The following EPHA6 variants were observed in gnomAD, a reference collection of about 807,000 sequenced individuals.
EPHA6 encodes ephrin type-A receptor 6.
EPHA6 carries 50 observed loss-of-function variants against 112.0 expected under a neutral mutation model. The observed-to-expected ratio is 0.45, with a 90% CI of 0.36 to 0.56. The LOEUF (loss-of-function observed/expected upper bound fraction) is 0.56, where lower values mean the gene tolerates loss of function less well. Among genes scored for constraint, EPHA6 ranks in the 20% least tolerant of loss-of-function variants. The pLI is 0.00. For missense variants in EPHA6, 1,280 were observed against 1,417.4 expected, an observed-to-expected ratio of 0.90 and a Z score of 1.56; for synonymous variants, 529 against 490.7, an observed-to-expected ratio of 1.08 and a Z score of -1.03.
At chr3:97,129,853 T>A (rs1261642604) in intron 3 of EPHA6, among the ~76,000 whole-genome samples, 4 of 152,174 alleles carry the variant, frequency 2.6e-5, no homozygotes, top group African/African-American at 9.7e-5. Flanking sequence ...AGACATTACC[T>A]GAGAGATAGT....
At chr3:96,908,068 A>G (rs924085133) in intron 2 of EPHA6, among the ~76,000 whole-genome samples, 1 of 151,916 alleles carries the variant, frequency 6.6e-6, no homozygotes, top group Non-Finnish European at 1.5e-5. Context: ...ATGTTCCTGT[A>G]TGGAATATTA....
At chr3:97,327,837 GTATATA>G (rs113110868) in intron 5 of EPHA6, among the ~76,000 whole-genome samples, 1 of 144,880 alleles carries the variant, frequency 6.9e-6, no homozygotes, top group Non-Finnish European at 1.5e-5. Context: ...GTGTGTGTGT[GTATATA>G]TATATATATG....
At chr3:97,240,072 G>C (rs1011568357) in intron 4 of EPHA6, among the ~76,000 whole-genome samples, 1 of 151,666 alleles carries the variant, frequency 6.6e-6, no homozygotes, top group African/African-American at 2.4e-5. Flanking sequence ...TGGAGCTCCA[G>C]TTTTGTGATT....
At chr3:97,289,714 T>C (rs1328517404) in intron 5 of EPHA6, among the ~76,000 whole-genome samples, 1 of 152,180 alleles carries the variant, frequency 6.6e-6, no homozygotes, top group Non-Finnish European at 1.5e-5. Context: ...TCTTTCCATT[T>C]GTTTGTGTCA....
chr3:97,580,113 G>A (rs1449522829), intron 11 of EPHA6, among the ~76,000 whole-genome samples: 1 of 152,144 alleles, frequency 6.6e-6, no homozygotes, highest in Non-Finnish European at 1.5e-5. Flanking sequence ...TTTTTGTGGT[G>A]CCATAATTTG....
At chr3:96,844,555 T>A (rs1003842578) in intron 1 of EPHA6, among the ~76,000 whole-genome samples, 6 of 152,056 alleles carry the variant, frequency 3.9e-5, no homozygotes, top group Non-Finnish European at 7.4e-5. Context: ...GATAAGAGGG[T>A]TAATATGGAA....
chr3:97,055,215 G>A (rs2045813809), intron 3 of EPHA6, among the ~76,000 whole-genome samples: 1 of 152,100 alleles, frequency 6.6e-6, no homozygotes, highest in African/African-American at 2.4e-5. Flanking sequence ...TGAGGATGTA[G>A]ATTAGGGACA....
intron 2 of EPHA6, among the ~76,000 whole-genome samples, chr3:96,869,930 T>C (rs2036542577): frequency 6.6e-6 from 1 of 152,080 alleles, no homozygotes; most frequent in Admixed American, 6.6e-5. Flanking sequence ...TTGAATATCA[T>C]ATTTTATAGA....
At chr3:97,205,432 G>A (rs564478262) in intron 3 of EPHA6, among the ~76,000 whole-genome samples, 45 of 151,666 alleles carry the variant, frequency 3.0e-4, no homozygotes, top group Non-Finnish European at 5.2e-4. Flanking sequence ...TTTGGGAAAT[G>A]GCAATTCATT....
At chr3:97,010,092 G>A (rs1050420358) in intron 3 of EPHA6, 2 of 1,280,040 alleles carry the variant, frequency 1.6e-6, no homozygotes, top group South Asian at 2.6e-5. Context: ...AAGCAAAAGA[G>A]TAGCATTACT....
At chr3:96,815,179 C>T (rs1183958916) in intron 1 of EPHA6, among the ~76,000 whole-genome samples, 171 bp downstream of exon 1, 3 of 152,086 alleles carry the variant, frequency 2.0e-5, no homozygotes, top group Non-Finnish European at 4.4e-5. Context: ...TTACACCGCC[C>T]GGGACGGTGA....
chr3:97,469,300 C>T (rs1042861060), intron 7 of EPHA6, among the ~76,000 whole-genome samples: 1 of 151,628 alleles, frequency 6.6e-6, no homozygotes, highest in African/African-American at 2.4e-5. Flanking sequence ...TTTCAACTCT[C>T]TCTTTGTAGA....
rs200785796 is a variant in EPHA6 at position 97,720,246 on chromosome 3, C to G, written c.2785-15C>G. On this transcript the variant is annotated splice_polypyrimidine_tract_variant and intron_variant, in intron 14 of 17. Coordinates refer to ENST00000389672, the MANE Select transcript of EPHA6 (RefSeq NM_001080448.3). The stretch of plus-strand genomic sequence containing the variant: ...AACGATAAGCCAGCTAAGAAATCTC[C>G]AATTTGTTTTCCAGGGTGGAAAAAT... The G allele has an allele frequency of 3.0e-5, 46 of 1,555,194 alleles. No individual in the cohort carries two copies. In the East Asian group the frequency reaches 1.0e-3, roughly 35 times the overall value.
chr3:97,300,883 G>A (rs2108716076), intron 5 of EPHA6, among the ~76,000 whole-genome samples: 1 of 152,166 alleles, frequency 6.6e-6, no homozygotes, highest in African/African-American at 2.4e-5. Flanking sequence ...CTGGCATTTA[G>A]GATTTGCCTC....
chr3:97,057,920 T>A (rs1382434350), intron 3 of EPHA6, among the ~76,000 whole-genome samples: 1 of 152,180 alleles, frequency 6.6e-6, no homozygotes, highest in Admixed American at 6.5e-5. Context: ...AGATGAATCA[T>A]CTGCTTTTAT....
At chr3:97,533,005 T>A (rs908229798) in intron 11 of EPHA6, among the ~76,000 whole-genome samples, 12 of 151,984 alleles carry the variant, frequency 7.9e-5, no homozygotes, top group African/African-American at 2.7e-4. Context: ...TAAATTATTA[T>A]AATTTATATA....
chr3:97,042,742 A>G (rs745849034), intron 3 of EPHA6, among the ~76,000 whole-genome samples: 2 of 152,116 alleles, frequency 1.3e-5, no homozygotes, highest in Admixed American at 6.6e-5. Context: ...ATCTCTCACT[A>G]GGCTATGAGT....
At chr3:97,401,233 C>A (rs778314220) in intron 5 of EPHA6, among the ~76,000 whole-genome samples, 1 of 151,570 alleles carries the variant, frequency 6.6e-6, no homozygotes, top group Non-Finnish European at 1.5e-5. Context: ...ATTAGTTCTT[C>A]TTTAACAGGG....
intron 5 of EPHA6, among the ~76,000 whole-genome samples, chr3:97,295,478 A>G (rs907801127): frequency 2.7e-5 from 4 of 149,814 alleles, no homozygotes; most frequent in African/African-American, 9.8e-5. Flanking sequence ...TCCCTAATTG[A>G]TATTCTGATT....
Sources: gnomAD v4.1 joint callset for allele counts (sites outside exome capture counted in the v4.1 genomes callset) on GRCh38, gnomAD v4.1.1 for gene constraint, MANE v1.5 for transcripts, NCBI Gene and HGNC (gene_info 2026-07-23, HGNC 2026-07-21) for gene names.